Variants in B4GALT2 observed in about 807,000 individuals in gnomAD.
B4GALT2 encodes the protein beta-1,4-galactosyltransferase 2.
A neutral mutation model predicts 33.2 loss-of-function variants in B4GALT2; 18 were observed. That is an observed-to-expected ratio of 0.54 (90% CI 0.38 to 0.80). The LOEUF is 0.80. B4GALT2 is among the 30% of genes least tolerant of loss of function. The pLI, the probability that B4GALT2 is intolerant of heterozygous loss-of-function variation, is 0.00. For synonymous variants in B4GALT2, 214 were observed against 217.6 expected, an observed-to-expected ratio of 0.98 and a Z score of 0.15; for missense variants, 404 against 526.2, an observed-to-expected ratio of 0.77 and a Z score of 2.27.
At chr1:43,986,338 C>T (rs1342506465) in intron 6 of B4GALT2, 1 of 152,282 alleles carries the variant, frequency 6.6e-6, no homozygotes, top group African/African-American at 2.4e-5. Flanking sequence ...ACAAGGTCAT[C>T]AAGGCAAGGT....
At position 43,981,591 on chromosome 1, in the gene B4GALT2, T is replaced by G; in HGVS notation, c.314-98T>G. The G allele has an allele frequency of 6.5e-7, 1 of 1,531,574 alleles. No homozygotes were observed. Among genetic ancestry groups the G allele is most frequent in the Non-Finnish European group, 8.8e-7 (1 of 1,137,502 alleles). 94.9% of individuals were successfully genotyped at this position (1,531,574 alleles called of 1,614,324 possible). A position where few individuals can be genotyped will look rare whatever the true frequency, so the allele number is the denominator to read the frequency against. On this transcript the variant is annotated intron_variant, in intron 2 of 6. Coordinates refer to ENST00000372324, the MANE Select transcript of B4GALT2 (RefSeq NM_003780.5). The surrounding 1 kb of genome is among the most constrained non-coding windows in gnomAD (Gnocchi z 8.1). The stretch of plus-strand genomic sequence containing the variant: ...GTCCAGGTCTGTTGTAAGAGGGCTA[T>G]TCTTGGGGTTCCCTAGCCCACCCCC...
intron 6 of B4GALT2, 152 bp downstream of exon 6, chr1:43,985,773 C>T: frequency 1.4e-6 from 1 of 700,742 alleles, no homozygotes; most frequent in Non-Finnish European, 2.5e-6. Context: ...CACTGATTCC[C>T]TGATGTGATC....
At chr1:43,985,806 C>T (rs149801511) in intron 6 of B4GALT2, 185 bp downstream of exon 6, 3 of 620,426 alleles carry the variant, frequency 4.8e-6, no homozygotes, top group East Asian at 2.8e-5. Context: ...GGACTGCTGG[C>T]ACCCCTGATC....
At chr1:43,983,646 A>G (rs1409714053) in intron 3 of B4GALT2, among the ~76,000 whole-genome samples, 1 of 152,216 alleles carries the variant, frequency 6.6e-6, no homozygotes, top group Admixed American at 6.5e-5. Flanking sequence ...CCTGCTGAGA[A>G]GGGAAGGCAA....
chr1:43,981,499 T>C lies in B4GALT2; in HGVS notation c.313+26T>C. 2 of 1,547,618 alleles carry C rather than the reference T, an allele frequency of 1.3e-6. No homozygotes were observed. Among genetic ancestry groups the C allele is most frequent in the South Asian group, 2.4e-5 (2 of 84,124 alleles). Reference sequence around the variant, plus strand: ...GTGAGCCTGGAGGGTAGGGCCTGCCTGTGGGGAAACAGGGTTTTATTGGTT... The same window carrying C: ...GTGAGCCTGGAGGGTAGGGCCTGCCCGTGGGGAAACAGGGTTTTATTGGTT... On this transcript the variant is annotated intron_variant, in intron 2 of 6. Coordinates refer to ENST00000372324, the MANE Select transcript of B4GALT2 (RefSeq NM_003780.5). The surrounding 1 kb of genome is among the most constrained non-coding windows in gnomAD (Gnocchi z 8.1).
At chr1:43,986,331 A>C (rs1051871933) in intron 6 of B4GALT2, 1 of 152,340 alleles carries the variant, frequency 6.6e-6, no homozygotes, top group South Asian at 2.1e-4. Flanking sequence ...TTATAGCACA[A>C]GGTCATCAAG....
chr1:43,988,390 G>T (rs1411926489), intron 6 of B4GALT2, among the ~76,000 whole-genome samples: 2 of 151,750 alleles, frequency 1.3e-5, no homozygotes, highest in African/African-American at 2.4e-5. Flanking sequence ...GGGCACGGTG[G>T]CTCATGCCTG....
Position 43,990,295 on chromosome 1 carries a change from T to TA in B4GALT2, c.969-2dup. 1 of 1,614,168 alleles carries TA rather than the reference T, an allele frequency of 6.2e-7. No individual in the cohort carries two copies. The highest frequency in any genetic ancestry group is 8.5e-7 in the Non-Finnish European group (1 of 1,179,992). On this transcript the variant is annotated splice_polypyrimidine_tract_variant and splice_region_variant and intron_variant, in intron 6 of 6. Transcript: ENST00000372324. ...TGATGTGGACCATTTCCATCCTATC[T>TA]AGGTTTACCAAGATTCAAAACACGA...
rs780190101 is a variant in B4GALT2, at chr1:43,985,290, T to G, written c.753T>G (p.Ala251=). The change falls in exon 5 of 7, where the codon GCT becomes GCG. Residue 251 remains alanine (A), a synonymous_variant. Coordinates refer to ENST00000372324, the MANE Select transcript of B4GALT2 (RefSeq NM_003780.5). ...TCCCATGCCACAGGCTTCCCTATGC[T>G]GGCTACTTTGGAGGTGTGTCAGGCC... ...MDKFGFRLPY[A]GYFGGVSGLS... 1 of 1,612,758 alleles carries G rather than the reference T, an allele frequency of 6.2e-7. No individual in the cohort carries two copies. Among genetic ancestry groups the G allele is most frequent in the Middle Eastern group, 1.7e-4 (1 of 6,044 alleles).
chr1:43,981,279 CCTT>C lies in B4GALT2; in HGVS notation c.124_126del (p.Phe42del). ...TTTGACGTCTACGCCCAGCACCTGGCCTTCTTCAGCCGCTTCAGTGCCCGAGGC... is the reference window on the plus strand; with the variant it reads ...TTTGACGTCTACGCCCAGCACCTGGCCTTCAGCCGCTTCAGTGCCCGAGGC... On this transcript the variant is annotated inframe_deletion, in exon 2 of 7. Coordinates refer to ENST00000372324, the MANE Select transcript of B4GALT2 (RefSeq NM_003780.5). The surrounding 1 kb of genome is among the most constrained non-coding windows in gnomAD (Gnocchi z 8.1). 6.2e-7 allele frequency: 1 copy of C among 1,606,374 alleles called. No individual in the cohort carries two copies. The highest frequency in any genetic ancestry group is 8.5e-7 in the Non-Finnish European group (1 of 1,179,886).
rs756246445 is a variant in B4GALT2 at position 43,981,268 on chromosome 1, C to T, written c.108C>T (p.Ala36=). 1 of 1,606,900 alleles carries T rather than the reference C, an allele frequency of 6.2e-7. No homozygotes were observed. The highest frequency in any genetic ancestry group is 8.5e-7 in the Non-Finnish European group (1 of 1,179,900). ...TCATCCTCTACTTTGACGTCTACGC[C>T]CAGCACCTGGCCTTCTTCAGCCGCT... ...VAVILYFDVY[A]QHLAFFSRFS... is the part of the protein sequence containing the mutation. Residue 36 remains alanine, a synonymous_variant, in exon 2 of 7, where the codon GCC becomes GCT. Coordinates refer to ENST00000372324, the MANE Select transcript of B4GALT2 (RefSeq NM_003780.5). The surrounding 1 kb of genome is among the most constrained non-coding windows in gnomAD (Gnocchi z 8.1).
At position 43,985,447 on chromosome 1, in the gene B4GALT2, G is replaced by GT. The variant is rs2085647403; in HGVS notation, c.863+47_863+48insT. On this transcript the variant is annotated intron_variant, in intron 5 of 6. Coordinates refer to ENST00000372324, the MANE Select transcript of B4GALT2 (RefSeq NM_003780.5). ...AATAGGCTGGGTGGGGGGGGGAGGG[G>GT]GGGTGCAGACTGGGTGGGGTTCTTT... 7.0e-6 allele frequency: 6 copies of GT among 860,360 alleles called. 1 individual carries two copies. Among genetic ancestry groups the GT allele is most frequent in the Non-Finnish European group, 9.1e-6 (5 of 547,744 alleles). The allele number at this position is 860,360 out of a possible 1,614,324, so 53.3% of individuals were successfully genotyped here.
chr1:43,983,265 C>T (rs935187936), intron 3 of B4GALT2, among the ~76,000 whole-genome samples: 1 of 152,204 alleles, frequency 6.6e-6, no homozygotes, highest in Non-Finnish European at 1.5e-5. Context: ...AAACCAACAA[C>T]GTCTGACCTG....
Position 43,981,873 on chromosome 1 carries a change from C to T in B4GALT2, c.498C>T (p.His166=). Residue 166 remains histidine, a synonymous_variant, in exon 3 of 7, where the codon CAC becomes CAT. Transcript: ENST00000372324. This position sits in a 1 kb window ranked among gnomAD's most constrained non-coding sequence, Gnocchi z 8.1. The stretch of plus-strand genomic sequence containing the variant: ...TGCGCTACTGGCTCCACTATCTACA[C>T]CCCATCTTGAGGCGGCAGCGGCTGC... ...HHLRYWLHYL[H]PILRRQRLRY... 1 of 1,614,016 alleles carries T rather than the reference C, an allele frequency of 6.2e-7. No individual in the cohort carries two copies. The highest frequency in any genetic ancestry group is 2.2e-5 in the East Asian group (1 of 44,878).
intron 6 of B4GALT2, among the ~76,000 whole-genome samples, chr1:43,988,001 C>T (rs1358195776): frequency 1.3e-5 from 2 of 152,190 alleles, no homozygotes; most frequent in Middle Eastern, 3.2e-3. Context: ...CTAGAGAAGC[C>T]AACTTGCCCT....
At chr1:43,988,610 C>T (rs1415219828) in intron 6 of B4GALT2, among the ~76,000 whole-genome samples, 1 of 151,996 alleles carries the variant, frequency 6.6e-6, no homozygotes, top group East Asian at 1.9e-4. Flanking sequence ...GCAGAGGTTG[C>T]AGTGAGCTGA....
At position 43,981,104 on chromosome 1, in the gene B4GALT2, C is replaced by G; in HGVS notation, c.-52-5C>G. On this transcript the variant is annotated splice_region_variant and splice_polypyrimidine_tract_variant and intron_variant, in intron 1 of 6. Coordinates refer to ENST00000372324, the MANE Select transcript of B4GALT2 (RefSeq NM_003780.5). The surrounding 1 kb of genome is among the most constrained non-coding windows in gnomAD (Gnocchi z 8.1). ...CTGGATCTGTTTCCCTCCCACCCTGCTCAGGCCAGCAGCCGGATGCCCGGG... is the reference window on the plus strand; with the variant it reads ...CTGGATCTGTTTCCCTCCCACCCTGGTCAGGCCAGCAGCCGGATGCCCGGG... The G allele has an allele frequency of 6.4e-7, 1 of 1,572,232 alleles. No individual in the cohort carries two copies. The highest frequency in any genetic ancestry group is 8.6e-7 in the Non-Finnish European group (1 of 1,165,638).
rs559322559 is a variant in B4GALT2 at position 43,982,895 on chromosome 1, C to T, written c.549+971C>T. On this transcript the variant is annotated intron_variant, in intron 3 of 6. Transcript: ENST00000372324. The surrounding 1 kb of genome is among the most constrained non-coding windows in gnomAD (Gnocchi z 4.3). Reference sequence around the variant, plus strand: ...AGCGTGGCCCGTTTGGAAGAGAGGACGATGCCCAGGAAAGAGGCGGTGACC... The same window carrying T: ...AGCGTGGCCCGTTTGGAAGAGAGGATGATGCCCAGGAAAGAGGCGGTGACC... Among the ~76,000 whole-genome samples the T allele has an allele frequency of 9.0e-4, 137 of 152,202 alleles. No individual in the cohort carries two copies. The highest frequency in any genetic ancestry group is 3.1e-3 in the African/African-American group (130 of 41,544).
intron 6 of B4GALT2, among the ~76,000 whole-genome samples, chr1:43,986,913 G>T (rs919521048): frequency 6.6e-6 from 1 of 152,188 alleles, no homozygotes; most frequent in Non-Finnish European, 1.5e-5. Context: ...CAGGGCCTGG[G>T]GATGGAGGTG....
Sources: gnomAD v4.1 joint callset for allele counts (sites outside exome capture counted in the v4.1 genomes callset) on GRCh38, gnomAD v4.1.1 for gene constraint, Gnocchi (gnomAD v3.1) non-coding constraint, MANE v1.5 for transcripts, NCBI Gene and HGNC (gene_info 2026-07-23, HGNC 2026-07-21) for gene names.